The following LYST variants were observed in gnomAD, a reference collection of about 807,000 sequenced individuals.
The protein encoded by LYST is lysosomal-trafficking regulator.
LYST carries 192 observed loss-of-function variants against 413.6 expected under a neutral mutation model. The observed-to-expected ratio is 0.46, with a 90% CI of 0.41 to 0.52. The LOEUF is 0.52. Among genes scored for constraint, LYST ranks in the 20% least tolerant of loss-of-function variants. The pLI is 0.00. For missense variants in LYST, 3,815 were observed against 4,499.9 expected, an observed-to-expected ratio of 0.85 and a Z score of 4.35; for synonymous variants, 1,525 against 1,567.3, an observed-to-expected ratio of 0.97 and a Z score of 0.64.
intron 15 of LYST, 110 bp downstream of exon 15, chr1:235,781,817 T>A: frequency 1.4e-6 from 1 of 732,400 alleles, no homozygotes; most frequent in Non-Finnish European, 2.4e-6. Context: ...GTTAATTTAC[T>A]TAGTTTAATA....
At position 235,793,582 on chromosome 1, in the gene LYST, A is replaced by G. The variant is rs1671247853; in HGVS notation, c.4037T>C (p.Val1346Ala). The G allele has an allele frequency of 6.2e-7, 1 of 1,600,268 alleles. No homozygotes were observed. Among genetic ancestry groups the G allele is most frequent in the African/African-American group, 1.3e-5 (1 of 74,782 alleles). Residue 1346 changes from valine to alanine, a missense_variant, in exon 11 of 53, where the codon GTA (valine) becomes GCA (alanine). By Grantham distance (64) the Val-to-Ala change is moderately conservative. Around this residue, in one of 4 missense-constraint regions of LYST, gnomAD observed 1,648 missense variants for 1,810.3 expected, o/e 0.91. Coordinates refer to ENST00000389793, the MANE Select transcript of LYST (RefSeq NM_000081.4). ...ACQRVLVDLL[V>A]SLMSSRTCSE... ...ACATGTTCTTGAACTCATCAAAGAT[A>G]CCAAAAGATCCACCAATACTCTCTG...
At chr1:235,768,739 T>C (rs1668375769) in intron 20 of LYST, among the ~76,000 whole-genome samples, 1 of 152,204 alleles carries the variant, frequency 6.6e-6, no homozygotes, top group African/African-American at 2.4e-5. Context: ...TATCACATTG[T>C]CATATGAACT....
chr1:235,787,417 C>T, intron 13 of LYST, 44 bp from the exon 14 acceptor site: 1 of 1,485,606 alleles, frequency 6.7e-7, no homozygotes, highest in South Asian at 1.1e-5. Context: ...CATGAAAATT[C>T]TGACCTCAGT....
intron 23 of LYST, 128 bp downstream of exon 23, chr1:235,758,844 T>G: frequency 1.3e-6 from 1 of 768,712 alleles, no homozygotes; most frequent in Non-Finnish European, 2.2e-6. Flanking sequence ...TTATTATGTA[T>G]ATAAAGAAAT....
Position 235,729,635 on chromosome 1 carries a change from C to T in LYST, c.9067G>A (p.Val3023Ile). The change falls in exon 37 of 53, where the codon GTT becomes ATT. Residue 3023 changes from valine to isoleucine, a missense_variant. Around this residue, in one of 4 missense-constraint regions of LYST, gnomAD observed 866 missense variants for 1,156.0 expected, o/e 0.75. Transcript: ENST00000389793. Reference sequence around the variant, plus strand: ...CCAGCTGTCTCTCTAGATGGTGCAACACTGATGCATCTTCGATTCACTCTG... The same window carrying T: ...CCAGCTGTCTCTCTAGATGGTGCAATACTGATGCATCTTCGATTCACTCTG... ...SIRVNRRCIS[V>I]APSRETAGEL... 1 of 1,610,730 alleles carries T rather than the reference C, an allele frequency of 6.2e-7. No homozygotes were observed. Among genetic ancestry groups the T allele is most frequent in the Non-Finnish European group, 8.5e-7 (1 of 1,177,134 alleles).
At chr1:235,744,218 T>C (rs1416434705) in intron 29 of LYST, 61 bp from the exon 30 acceptor site, 1 of 877,928 alleles carries the variant, frequency 1.1e-6, no homozygotes, top group African/African-American at 1.7e-5. Flanking sequence ...CCATTATAAA[T>C]AGTAATAATA....
chr1:235,863,821 C>A (rs1156639880), intron 1 of LYST, among the ~76,000 whole-genome samples: 1 of 152,210 alleles, frequency 6.6e-6, no homozygotes, highest in East Asian at 1.9e-4. Context: ...ATAATCTCAG[C>A]TTTGACAAAA....
At chr1:235,822,205 G>T (rs559534082) in intron 3 of LYST, among the ~76,000 whole-genome samples, 1 of 152,280 alleles carries the variant, frequency 6.6e-6, no homozygotes, top group Non-Finnish European at 1.5e-5. Context: ...TATATTATGG[G>T]CTAATTGTTA....
intron 1 of LYST, among the ~76,000 whole-genome samples, chr1:235,851,243 A>G (rs953765299): frequency 3.3e-5 from 5 of 152,182 alleles, no homozygotes; most frequent in Non-Finnish European, 7.4e-5. Context: ...ATGAATTAAC[A>G]GCATCTGCAG....
intron 10 of LYST, among the ~76,000 whole-genome samples, chr1:235,798,576 C>CTTAAAAAAAAAAAAAAAA (rs1558261064): frequency 1.2e-4 from 3 of 24,528 alleles, no homozygotes; most frequent in African/African-American, 4.1e-4. Context: ...AAAACCCTGT[C>CTTAAAAAAAAAAAAAAAA]ATAAAAAAAA....
chr1:235,751,506 T>C, intron 27 of LYST, 144 bp from the exon 28 acceptor site: 4 of 695,080 alleles, frequency 5.8e-6, no homozygotes, highest in Non-Finnish European at 7.2e-6. Flanking sequence ...GTAGACATTT[T>C]TAAATTCTTG....
At chr1:235,851,269 T>C (rs1364886751) in intron 1 of LYST, among the ~76,000 whole-genome samples, 1 of 152,112 alleles carries the variant, frequency 6.6e-6, no homozygotes, top group Non-Finnish European at 1.5e-5. Context: ...TGGATGAGAC[T>C]GGAGACTATT....
Position 235,809,017 on chromosome 1 carries a change from A to G in LYST, c.1801T>C (p.Leu601=). Residue 601 remains leucine, a synonymous_variant, in exon 5 of 53, where the codon TTG becomes CTG. Transcript: ENST00000389793. The surrounding 1 kb of genome is among the most constrained non-coding windows in gnomAD (Gnocchi z 4.0). ...TGCTGAAAATTTTTCAGTGCTGGCA[A>G]TTTAAAAGCATGGAGCAAAGGAATG... ...VIIPLLHAFK[L]PALKNFQQHI... is the part of the protein sequence containing the mutation. The G allele has an allele frequency of 6.2e-7, 1 of 1,614,096 alleles. No homozygotes were observed. The highest frequency in any genetic ancestry group is 8.5e-7 in the Non-Finnish European group (1 of 1,179,958).
At chr1:235,713,329 A>G (rs1006184630) in intron 42 of LYST, among the ~76,000 whole-genome samples, 2 of 152,236 alleles carry the variant, frequency 1.3e-5, no homozygotes, top group Non-Finnish European at 2.9e-5. Context: ...CAAAAAAACT[A>G]AAAGAAAAAT....
rs763156837 is a variant in LYST, at chr1:235,773,840, G to A, written c.5784+2C>T. 1.5e-5 allele frequency: 24 copies of A among 1,610,024 alleles called. No individual in the cohort carries two copies. The highest frequency in any genetic ancestry group is 2.0e-5 in the Non-Finnish European group (23 of 1,176,732). On this transcript the variant is annotated splice_donor_variant, in intron 19 of 52. Transcript: ENST00000389793. LOFTEE classifies it low-confidence loss of function (GC_TO_GT_DONOR). ...AATGGAAAAAAAGTACATATTACAT[G>A]CCTCTGCTTTACTCCATATCTTCCA...
At chr1:235,834,515 G>T (rs1383004209) in intron 1 of LYST, among the ~76,000 whole-genome samples, 1 of 151,892 alleles carries the variant, frequency 6.6e-6, no homozygotes, top group African/African-American at 2.4e-5. Context: ...TGGGATTACA[G>T]GCGTGAGCCA....
intron 46 of LYST, among the ~76,000 whole-genome samples, chr1:235,694,047 T>A (rs1410650191): frequency 6.7e-6 from 1 of 150,134 alleles, no homozygotes; most frequent in Non-Finnish European, 1.5e-5. Context: ...TCTCGCTCTG[T>A]CACCCAGGCT....
intron 1 of LYST, among the ~76,000 whole-genome samples, chr1:235,857,432 TA>T (rs1238973583): frequency 1.3e-5 from 2 of 152,152 alleles, no homozygotes; most frequent in Admixed American, 1.3e-4. Flanking sequence ...AAGAAAGTTC[TA>T]GATTCATCTC....
intron 10 of LYST, among the ~76,000 whole-genome samples, chr1:235,799,427 G>A (rs1314289318): frequency 1.3e-5 from 2 of 152,092 alleles, no homozygotes. Context: ...TTAACCACAT[G>A]ATCAAAGTTA....
Sources: gnomAD v4.1 joint callset for allele counts (sites outside exome capture counted in the v4.1 genomes callset) on GRCh38, gnomAD v4.1.1 for gene constraint, gnomAD v4.1.1 regional missense constraint, Gnocchi (gnomAD v3.1) non-coding constraint, MANE v1.5 for transcripts, NCBI Gene and HGNC (gene_info 2026-07-23, HGNC 2026-07-21) for gene names.